ABHD17B: variants seen among roughly 807,000 people sequenced by gnomAD.
ABHD17B encodes the protein alpha/beta hydrolase domain-containing protein 17B.
ABHD17B carries 9 observed loss-of-function variants against 26.2 expected under a neutral mutation model. That is an observed-to-expected ratio of 0.34 (90% CI 0.21 to 0.60). The LOEUF (loss-of-function observed/expected upper bound fraction) is 0.60, where lower values mean the gene tolerates loss of function less well. ABHD17B is among the 20% of genes least tolerant of loss of function. The pLI is 0.80. For synonymous variants in ABHD17B, 127 were observed against 122.3 expected (o/e 1.04, Z -0.25); for missense variants, 224 against 352.1 (o/e 0.64, Z 2.91).
At chr9:71,908,464 G>A (rs938459827) in intron 1 of ABHD17B, among the ~76,000 whole-genome samples, 5 of 151,476 alleles carry the variant, frequency 3.3e-5, no homozygotes, top group Non-Finnish European at 5.9e-5. Context: ...GGATTCGACA[G>A]GCAAATGGGG....
chr9:71,906,022 C>T (rs146507139), intron 1 of ABHD17B, among the ~76,000 whole-genome samples: 1 of 152,048 alleles, frequency 6.6e-6, no homozygotes, highest in African/African-American at 2.4e-5. Flanking sequence ...ACACTCCAGC[C>T]TGGGCAACAG....
At chr9:71,868,792 G>A (rs1199347477) in intron 3 of ABHD17B, among the ~76,000 whole-genome samples, 2 of 152,176 alleles carry the variant, frequency 1.3e-5, no homozygotes, top group African/African-American at 4.8e-5. Flanking sequence ...AGGTTCAAGG[G>A]ATTCTCATGC....
chr9:71,900,646 C>T (rs1827105105), intron 1 of ABHD17B, among the ~76,000 whole-genome samples: 1 of 94,572 alleles, frequency 1.1e-5, no homozygotes, highest in Admixed American at 1.1e-4. Flanking sequence ...AGTGAGACTC[C>T]ATCTCCAAAA....
intron 1 of ABHD17B, among the ~76,000 whole-genome samples, chr9:71,877,374 G>C (rs993186520): frequency 6.6e-6 from 1 of 152,308 alleles, no homozygotes; most frequent in Middle Eastern, 3.4e-3. Context: ...TAAATGGTAC[G>C]TATCTAGACT....
At chr9:71,873,347 AAAG>A (rs1826166726) in intron 2 of ABHD17B, among the ~76,000 whole-genome samples, 1 of 152,176 alleles carries the variant, frequency 6.6e-6, no homozygotes, top group Non-Finnish European at 1.5e-5. Flanking sequence ...TGCTATAATC[AAAG>A]AATAACTGAC....
chr9:71,871,478 A>G (rs533096603), intron 2 of ABHD17B, among the ~76,000 whole-genome samples: 1 of 152,310 alleles, frequency 6.6e-6, no homozygotes, highest in Non-Finnish European at 1.5e-5. Flanking sequence ...ATTTCATACG[A>G]ATGAAGAAAT....
chr9:71,862,978 C>T (rs1410205436), downstream of ABHD17B, among the ~76,000 whole-genome samples: 3 of 151,708 alleles, frequency 2.0e-5, no homozygotes, highest in Admixed American at 6.6e-5. Flanking sequence ...TTAAAGTGAA[C>T]ACTACCTATA....
At chr9:71,886,421 CA>C (rs5898239) in intron 1 of ABHD17B, among the ~76,000 whole-genome samples, 103,098 of 126,876 alleles carry the variant, frequency 0.81, 41,439 homozygotes, top group East Asian at 0.9. Flanking sequence ...GACCCTGTCT[CA>C]AAAAAAAAAA....
intron 1 of ABHD17B, among the ~76,000 whole-genome samples, chr9:71,905,730 A>G (rs935983274): frequency 2.0e-5 from 3 of 152,184 alleles, no homozygotes; most frequent in Non-Finnish European, 4.4e-5. Flanking sequence ...TTGCATAAAG[A>G]AAGTGCTGCT....
chr9:71,906,062 ATAAATAAG>A (rs1366682947), intron 1 of ABHD17B, among the ~76,000 whole-genome samples: 1 of 152,080 alleles, frequency 6.6e-6, no homozygotes, highest in Non-Finnish European at 1.5e-5. Flanking sequence ...AAATAAATAA[ATAAATAAG>A]TAAGTAAATA....
At chr9:71,864,018 A>G (rs981918114), downstream of ABHD17B, among the ~76,000 whole-genome samples, 1 of 152,072 alleles carries the variant, frequency 6.6e-6, no homozygotes, top group African/African-American at 2.4e-5. Flanking sequence ...CTAAAATTAG[A>G]TCAGTTTCTA....
intron 1 of ABHD17B, among the ~76,000 whole-genome samples, chr9:71,908,358 C>T (rs910961354): frequency 6.8e-6 from 1 of 146,966 alleles, no homozygotes; most frequent in African/African-American, 2.5e-5. Flanking sequence ...CGCCATTGCA[C>T]GCCAGCCTGG....
intron 1 of ABHD17B, among the ~76,000 whole-genome samples, chr9:71,877,081 T>C (rs772979664): frequency 1.2e-4 from 19 of 152,330 alleles, no homozygotes; most frequent in Admixed American, 7.2e-4. Flanking sequence ...ACACAGGGCT[T>C]AGCCAGCAAA....
intron 1 of ABHD17B, among the ~76,000 whole-genome samples, chr9:71,909,702 T>C (rs1827388412): frequency 6.6e-6 from 1 of 152,126 alleles, no homozygotes; most frequent in South Asian, 2.1e-4. Context: ...TCACAAAAAG[T>C]ATTAAACAGG....
chr9:71,880,295 C>T (rs972063035), intron 1 of ABHD17B, among the ~76,000 whole-genome samples: 1 of 151,974 alleles, frequency 6.6e-6, no homozygotes, highest in African/African-American at 2.4e-5. Flanking sequence ...AAACTTAGAA[C>T]TGTAAATAAA....
Position 71,911,096 on chromosome 9 carries a change from T to G in ABHD17B, c.-466A>C, listed in dbSNP as rs546214754. The stretch of plus-strand genomic sequence containing the variant: ...CTGCTTTCTTTGCTCCTCCTCAGCC[T>G]GCCAAGCGCGAGGCTCGTTCCGGTA... On this transcript the variant is annotated 5_prime_UTR_variant, in exon 1 of 4. Transcript: ENST00000333421. Among the ~76,000 whole-genome samples the G allele has an allele frequency of 4.6e-4, 70 of 152,230 alleles. No homozygotes were observed. Among genetic ancestry groups the G allele is most frequent in the African/African-American group, 1.7e-3 (69 of 41,564 alleles).
chr9:71,883,785 A>T (rs1168326087), intron 1 of ABHD17B, among the ~76,000 whole-genome samples: 1 of 152,080 alleles, frequency 6.6e-6, no homozygotes, highest in Non-Finnish European at 1.5e-5. Flanking sequence ...AAAAATACAG[A>T]AATTAGTTGG....
At chr9:71,905,406 C>T (rs1486778620) in intron 1 of ABHD17B, among the ~76,000 whole-genome samples, 2 of 152,068 alleles carry the variant, frequency 1.3e-5, no homozygotes, top group Non-Finnish European at 2.9e-5. Flanking sequence ...CAAATAAAAA[C>T]TACAATGAGG....
At chr9:71,890,350 C>T (rs1826746427) in intron 1 of ABHD17B, among the ~76,000 whole-genome samples, 2 of 152,062 alleles carry the variant, frequency 1.3e-5, no homozygotes, top group African/African-American at 2.4e-5. Flanking sequence ...CTTCTATGCT[C>T]ATTCTGATTT....
Sources: allele counts gnomAD v4.1 joint callset (sites outside exome capture counted in the v4.1 genomes callset), GRCh38; gene constraint gnomAD v4.1.1; transcripts MANE v1.5; gene names NCBI Gene and HGNC (gene_info 2026-07-23, HGNC 2026-07-21).